Variants in OSBPL10 observed in about 807,000 individuals in gnomAD.
OSBPL10 encodes oxysterol-binding protein-related protein 10.
In OSBPL10, 49 loss-of-function variants were observed where a neutral mutation model predicts 81.7. The ratio of observed to expected loss-of-function variants is 0.60; its 90% confidence interval spans 0.48 to 0.76. The LOEUF (loss-of-function observed/expected upper bound fraction) is 0.76, where lower values mean the gene tolerates loss of function less well. Among genes scored for constraint, OSBPL10 ranks in the 30% least tolerant of loss-of-function variants. OSBPL10 has a pLI of 0.00. For synonymous variants in OSBPL10, 419 were observed against 383.6 expected (o/e 1.09, Z -1.08); for missense variants, 923 against 987.8 (o/e 0.93, Z 0.88).
At chr3:31,829,972 C>G (rs756505379) in intron 4 of OSBPL10, 68 bp downstream of exon 4, 13 of 1,443,204 alleles carry the variant, frequency 9.0e-6, no homozygotes, top group Non-Finnish European at 1.1e-5. Flanking sequence ...GAAGAGGAGT[C>G]GGCAGAGCGA....
chr3:31,753,031 A>T (rs1225128899), intron 4 of OSBPL10, among the ~76,000 whole-genome samples: 1 of 152,172 alleles, frequency 6.6e-6, no homozygotes, highest in Non-Finnish European at 1.5e-5. Context: ...GCCACATACA[A>T]GATGGCCTTG....
chr3:31,929,835 T>C (rs894381907), intron 1 of OSBPL10, among the ~76,000 whole-genome samples: 2 of 151,066 alleles, frequency 1.3e-5, no homozygotes, highest in Non-Finnish European at 2.9e-5. Flanking sequence ...GGTCAACAGA[T>C]ACAGCCATAG....
intron 1 of OSBPL10, among the ~76,000 whole-genome samples, chr3:31,895,976 T>A (rs1406532592): frequency 6.6e-6 from 1 of 152,178 alleles, no homozygotes; most frequent in Non-Finnish European, 1.5e-5. Flanking sequence ...TCAACACTGC[T>A]GCTATATCCT....
chr3:31,796,913 T>A (rs1263569858), intron 4 of OSBPL10, among the ~76,000 whole-genome samples: 1 of 152,052 alleles, frequency 6.6e-6, no homozygotes, highest in African/African-American at 2.4e-5. Context: ...CCCCAAACAT[T>A]TTCTCCCATT....
intron 3 of OSBPL10, among the ~76,000 whole-genome samples, chr3:31,847,872 A>G (rs556964795): frequency 2.0e-5 from 3 of 152,212 alleles, no homozygotes; most frequent in Admixed American, 2.0e-4. Context: ...CAGGGCCCAG[A>G]AGCTGCAGCC....
intron 1 of OSBPL10, among the ~76,000 whole-genome samples, chr3:32,066,019 A>AAG (rs765108095): frequency 2.5e-5 from 2 of 80,068 alleles, no homozygotes; most frequent in African/African-American, 6.2e-5. Flanking sequence ...GAAAGAAAGA[A>AAG]AGAAAGAGAG....
At chr3:31,993,628 G>A (rs1259680969) in intron 2 of OSBPL10, among the ~76,000 whole-genome samples, 3 of 151,862 alleles carry the variant, frequency 2.0e-5, no homozygotes, top group South Asian at 2.1e-4. Flanking sequence ...GGAAATACAA[G>A]TAAAACTACA....
intron 1 of OSBPL10, among the ~76,000 whole-genome samples, chr3:31,883,931 T>G (rs917097540): frequency 6.6e-6 from 1 of 152,226 alleles, no homozygotes; most frequent in African/African-American, 2.4e-5. Flanking sequence ...TGCCATTGAC[T>G]GGAATGAAGC....
intron 1 of OSBPL10, among the ~76,000 whole-genome samples, chr3:31,921,717 C>T (rs908916916): frequency 1.2e-4 from 19 of 152,166 alleles, no homozygotes; most frequent in African/African-American, 4.6e-4. Context: ...TAACTCCCTA[C>T]TCTTTAAACA....
chr3:31,696,833 G>A (rs1695736067), intron 7 of OSBPL10, among the ~76,000 whole-genome samples: 1 of 152,212 alleles, frequency 6.6e-6, no homozygotes, highest in Non-Finnish European at 1.5e-5. Context: ...CCTCACTCAT[G>A]AACTCCAGAT....
chr3:31,668,902 A>G, intron 9 of OSBPL10, 78 bp from the exon 10 acceptor site: 1 of 1,305,732 alleles, frequency 7.7e-7, no homozygotes, highest in Non-Finnish European at 1.0e-6. Flanking sequence ...CCATCTCTAG[A>G]GATTTTTTTT....
intron 1 of OSBPL10, among the ~76,000 whole-genome samples, chr3:31,939,927 T>G (rs1697488692): frequency 6.6e-6 from 1 of 152,100 alleles, no homozygotes; most frequent in Non-Finnish European, 1.5e-5. Context: ...CACCATGTTG[T>G]TCAGGCTGGT....
intron 2 of OSBPL10, among the ~76,000 whole-genome samples, chr3:32,026,103 T>TG (rs1159907121): frequency 7.4e-6 from 1 of 135,246 alleles, no homozygotes; most frequent in East Asian, 2.9e-4. Flanking sequence ...GATAGATAGA[T>TG]AGAGATAGAG....
At chr3:31,682,719 T>C (rs1700683372) in intron 8 of OSBPL10, among the ~76,000 whole-genome samples, 1 of 152,194 alleles carries the variant, frequency 6.6e-6, no homozygotes, top group Non-Finnish European at 1.5e-5. Flanking sequence ...TATTTACTTA[T>C]TTATTTCATT....
chr3:32,055,885 A>T (rs1699707104), intron 1 of OSBPL10, among the ~76,000 whole-genome samples: 1 of 152,204 alleles, frequency 6.6e-6, no homozygotes, highest in African/African-American at 2.4e-5. Context: ...AAGGAATTTG[A>T]CCAACTCATA....
chr3:32,070,120 G>A (rs1038218949), intron 1 of OSBPL10, among the ~76,000 whole-genome samples: 6 of 152,184 alleles, frequency 3.9e-5, no homozygotes, highest in South Asian at 2.1e-4. Context: ...CATCACGGAC[G>A]CCGAGCTTTA....
intron 4 of OSBPL10, among the ~76,000 whole-genome samples, chr3:31,786,940 G>A (rs1698875576): frequency 6.6e-6 from 1 of 152,106 alleles, no homozygotes; most frequent in African/African-American, 2.4e-5. Context: ...CTCCTTATTA[G>A]ATGCAATTTC....
chr3:31,822,913 T>TAAAAA lies in OSBPL10; in HGVS notation c.729+7122_729+7126dup, dbSNP rs71097447. ...TCCAACAGAGTGAGACCCCCAACTC[T>TAAAAA]AAAAAAAAAAAAAAAGTTAAAATAG... On this transcript the variant is annotated intron_variant, in intron 4 of 11. Coordinates refer to ENST00000396556, the MANE Select transcript of OSBPL10 (RefSeq NM_017784.5). Among the ~76,000 whole-genome samples the TAAAAA allele has an allele frequency of 2.4e-4, 21 of 89,096 alleles. No homozygotes were observed. The East Asian group carries it at 3.1e-3, about 13-fold the overall frequency. The allele number at this position is 89,096 out of a possible 152,430, so 58.5% of individuals were successfully genotyped here.
chr3:31,831,903 G>T (rs1700252202), intron 3 of OSBPL10, among the ~76,000 whole-genome samples: 1 of 152,172 alleles, frequency 6.6e-6, no homozygotes, highest in Admixed American at 6.5e-5. Flanking sequence ...CCTGCAGCTG[G>T]GTGAAATGCT....
Sources: gnomAD v4.1 joint callset for allele counts (sites outside exome capture counted in the v4.1 genomes callset) on GRCh38, gnomAD v4.1.1 for gene constraint, MANE v1.5 for transcripts, NCBI Gene and HGNC (gene_info 2026-07-23, HGNC 2026-07-21) for gene names.